The following MYO9A variants were observed in gnomAD, a reference collection of about 807,000 sequenced individuals.
MYO9A encodes the protein unconventional myosin-IXa.
A neutral mutation model predicts 293.3 loss-of-function variants in MYO9A; 103 were observed. That is an observed-to-expected ratio of 0.35 (90% CI 0.30 to 0.41). MYO9A has a LOEUF of 0.41. MYO9A is among the 10% of genes least tolerant of loss of function. The pLI is 1.00. For synonymous variants in MYO9A, 1,001 were observed against 1,035.7 expected (o/e 0.97, Z 0.64); for missense variants, 2,685 against 3,033.0 (o/e 0.89, Z 2.69).
intron 1 of MYO9A, among the ~76,000 whole-genome samples, chr15:72,076,256 G>A (rs2079347441): frequency 6.8e-6 from 1 of 148,040 alleles, no homozygotes; most frequent in East Asian, 2.0e-4. Flanking sequence ...AGTGAGCTGA[G>A]ATCATGCCAC....
chr15:71,893,010 C>T (rs1374660560), intron 26 of MYO9A: 1 of 1,289,670 alleles, frequency 7.8e-7, no homozygotes, highest in Non-Finnish European at 1.0e-6. Flanking sequence ...TGGGTGCAGG[C>T]CCTAGCTCAC....
intron 2 of MYO9A, among the ~76,000 whole-genome samples, chr15:72,037,654 T>C (rs949246640): frequency 3.3e-5 from 5 of 152,140 alleles, no homozygotes; most frequent in African/African-American, 1.2e-4. Flanking sequence ...CACAAAAATA[T>C]AGACTTTACA....
At position 71,978,223 on chromosome 15, in the gene MYO9A, GA is replaced by G; in HGVS notation, c.1791del (p.Ile599LeufsTer27). The G allele has an allele frequency of 6.2e-7, 1 of 1,612,708 alleles. No homozygotes were observed. Among genetic ancestry groups the G allele is most frequent in the Non-Finnish European group, 8.5e-7 (1 of 1,179,138 alleles). Reference protein sequence around the residue: ...IDYIDNTCCINLISKKPTGLL... With the variant: ...IDYIDNTCCIXLISKKPTGLL... ...AGTCCTGTTGGTTTTTTGCTAATAA[GA>G]TTTATGCAGCAGGTATTATCAATGT... On this transcript the variant is annotated frameshift_variant, in exon 12 of 42. Coordinates refer to ENST00000356056, the MANE Select transcript of MYO9A (RefSeq NM_006901.4). LOFTEE classifies it high-confidence loss of function.
At chr15:71,994,873 C>T (rs1450690920) in intron 9 of MYO9A, among the ~76,000 whole-genome samples, 2 of 152,170 alleles carry the variant, frequency 1.3e-5, no homozygotes, top group Admixed American at 6.5e-5. Context: ...GCTGGGATTA[C>T]AGGCATGCAC....
intron 16 of MYO9A, among the ~76,000 whole-genome samples, chr15:71,936,366 G>A (rs1043227645): frequency 5.3e-5 from 8 of 152,050 alleles, no homozygotes; most frequent in East Asian, 1.9e-4. Flanking sequence ...CAATGGGTAC[G>A]AAGTTACAGT....
chr15:71,956,860 A>ATATAT (rs2059213708), intron 14 of MYO9A, among the ~76,000 whole-genome samples: 9 of 140,346 alleles, frequency 6.4e-5, no homozygotes, highest in African/African-American at 2.4e-4. Context: ...CACACACACA[A>ATATAT]ATATATATAT....
chr15:71,877,977 C>A, intron 31 of MYO9A, 63 bp downstream of exon 31: 3 of 1,399,648 alleles, frequency 2.1e-6, no homozygotes, highest in South Asian at 2.8e-5. Flanking sequence ...CAAGATGTCC[C>A]AAACGCTCTT....
chr15:71,975,358 C>A (rs1437326355), intron 12 of MYO9A, among the ~76,000 whole-genome samples: 2 of 135,678 alleles, frequency 1.5e-5, no homozygotes, highest in Non-Finnish European at 3.1e-5. Context: ...TTATTAACTA[C>A]CACAGCCCTT....
upstream of MYO9A, chr15:72,118,176 C>G: frequency 2.7e-6 from 1 of 365,734 alleles, no homozygotes; most frequent in Non-Finnish European, 4.9e-6. Context: ...CCCCTACTGC[C>G]AGCACGGGTC....
chr15:71,918,380 T>C (rs566665679), intron 18 of MYO9A, among the ~76,000 whole-genome samples: 3 of 152,268 alleles, frequency 2.0e-5, no homozygotes, highest in Admixed American at 6.5e-5. Context: ...TGCAATTATA[T>C]AGAATTATTT....
intron 17 of MYO9A, among the ~76,000 whole-genome samples, chr15:71,934,884 G>A (rs1490889161): frequency 7.4e-6 from 1 of 134,870 alleles, no homozygotes; most frequent in Non-Finnish European, 1.5e-5. Flanking sequence ...TCTGTAATCA[G>A]TTAATGAGAA....
intron 39 of MYO9A, chr15:71,847,370 C>T: frequency 2.4e-6 from 1 of 420,738 alleles, no homozygotes; most frequent in Non-Finnish European, 5.0e-6. Flanking sequence ...GAACGAGAGA[C>T]AATAATGTAG....
At chr15:71,926,287 T>C (rs1202537508) in intron 18 of MYO9A, among the ~76,000 whole-genome samples, 1 of 152,198 alleles carries the variant, frequency 6.6e-6, no homozygotes, top group Non-Finnish European at 1.5e-5. Context: ...TTCCAAGCCA[T>C]GCACCGTGGT....
At chr15:71,973,507 C>T (rs1567334885) in intron 12 of MYO9A, among the ~76,000 whole-genome samples, 1 of 152,096 alleles carries the variant, frequency 6.6e-6, no homozygotes, top group Admixed American at 6.5e-5. Context: ...GACATCTATA[C>T]ATGATTGAGA....
chr15:71,942,228 C>T (rs922774424), intron 15 of MYO9A, among the ~76,000 whole-genome samples: 1 of 152,012 alleles, frequency 6.6e-6, no homozygotes, highest in Non-Finnish European at 1.5e-5. Flanking sequence ...TGTAATCCCA[C>T]TTGCGTAAAA....
At position 71,826,918 on chromosome 15, in the gene MYO9A, A is replaced by T. The variant is rs937778882; in HGVS notation, c.7309T>A (p.Cys2437Ser). ...TGAGATGATGCCGTGTTAGACAGAC[A>T]TAAAGAGGAGACCGAAGAGTCCACG... is the stretch of plus-strand genomic sequence containing the variant. The part of the protein sequence containing the change: ...DVVDSSVSSL[C>S]LSNTASSHGT... Residue 2437 changes from cysteine (C) to serine (S), a missense_variant, in exon 42 of 42, where the codon TGT (cysteine) becomes AGT (serine). This residue lies in a region of MYO9A where 350 missense variants were observed against 328.9 expected (regional missense o/e 1.06). Coordinates refer to ENST00000356056, the MANE Select transcript of MYO9A (RefSeq NM_006901.4). 3 of 1,614,086 alleles carry T rather than the reference A, an allele frequency of 1.9e-6. No homozygotes were observed. The highest frequency in any genetic ancestry group is 2.5e-6 in the Non-Finnish European group (3 of 1,179,956).
At chr15:71,958,442 T>TAAAC (rs1453668754) in intron 14 of MYO9A, 10 of 152,186 alleles carry the variant, frequency 6.6e-5, no homozygotes, top group Non-Finnish European at 1.5e-4. Flanking sequence ...TATTGTAATA[T>TAAAC]AAACAATTAC....
At chr15:71,969,962 C>T (rs1596302794) in intron 12 of MYO9A, among the ~76,000 whole-genome samples, 1 of 152,116 alleles carries the variant, frequency 6.6e-6, no homozygotes, top group Non-Finnish European at 1.5e-5. Context: ...CCAACTATTG[C>T]AATTCTGACT....
chr15:71,899,538 T>C, intron 24 of MYO9A, 149 bp downstream of exon 24: 4 of 660,788 alleles, frequency 6.1e-6, no homozygotes, highest in Non-Finnish European at 7.6e-6. Flanking sequence ...GACAATACAA[T>C]GTGGGTTAAA....
Sources: allele counts gnomAD v4.1 joint callset (sites outside exome capture counted in the v4.1 genomes callset), GRCh38; gene constraint gnomAD v4.1.1; regional missense constraint gnomAD v4.1.1; transcripts MANE v1.5; gene names NCBI Gene and HGNC (gene_info 2026-07-23, HGNC 2026-07-21).